The following LEKR1 variants were observed in gnomAD, a reference collection of about 807,000 sequenced individuals.
LEKR1 encodes the protein leucine, glutamate and lysine rich 1, also known as protein LEKR1.
Under a neutral mutation model 72.4 loss-of-function variants are expected in LEKR1, and 59 were observed. The observed-to-expected ratio is 0.82, with a 90% confidence interval of 0.66 to 1.01. The LOEUF is 1.01. Among genes scored for constraint, LEKR1 ranks in the 50% least tolerant of loss-of-function variants. The probability of loss-of-function intolerance (pLI) is 0.00; values close to 1 mark genes in which losing one functional copy is unlikely to be tolerated. For synonymous variants in LEKR1, 257 were observed against 263.2 expected, an observed-to-expected ratio of 0.98 and a Z score of 0.23; for missense variants, 728 against 759.2, an observed-to-expected ratio of 0.96 and a Z score of 0.48.
intron 12 of LEKR1, among the ~76,000 whole-genome samples, chr3:157,032,284 A>G (rs1734672793): frequency 6.6e-6 from 1 of 152,216 alleles, no homozygotes; most frequent in South Asian, 2.1e-4. Context: ...AACAGCTCAC[A>G]TACAATCACC....
chr3:157,016,430 G>A (rs9840284), intron 10 of LEKR1, among the ~76,000 whole-genome samples: 110,894 of 151,968 alleles, frequency 0.73, 40,964 homozygotes, highest in East Asian at 0.93. Flanking sequence ...GAAAGTACTA[G>A]AAGAAAGTTA....
intron 3 of LEKR1, among the ~76,000 whole-genome samples, chr3:156,908,865 C>T (rs1722808522): frequency 6.6e-6 from 1 of 152,170 alleles, no homozygotes; most frequent in South Asian, 2.1e-4. Flanking sequence ...TAAGGCCATG[C>T]ATTTACATCT....
intron 9 of LEKR1, among the ~76,000 whole-genome samples, chr3:157,001,995 A>G (rs1732053051): frequency 6.6e-6 from 1 of 152,164 alleles, no homozygotes; most frequent in Non-Finnish European, 1.5e-5. Context: ...TAAAACTGGG[A>G]AGCTCCAGTT....
chr3:156,841,483 C>A, intron 2 of LEKR1, among the ~76,000 whole-genome samples: 1 of 152,154 alleles, frequency 6.6e-6, no homozygotes. Context: ...GCCATCCAGG[C>A]AGTACAGAGA....
rs1023329009 is a variant in LEKR1, at chr3:156,838,933, G to A, written c.48+9556G>A. Among the ~76,000 whole-genome samples the A allele has an allele frequency of 4.6e-5, 7 of 152,084 alleles. No homozygotes were observed. In the East Asian group the frequency reaches 9.6e-4, roughly 21 times the overall value. On this transcript the variant is annotated intron_variant, in intron 2 of 12. Coordinates refer to ENST00000356539, the MANE Select transcript of LEKR1 (RefSeq NM_001004316.3). Reference sequence around the variant, plus strand: ...AGTAGAGAAAGAGTTTAATGGAAACGAGGATGGCCATGCCACAGAGGAGAT... The same window carrying A: ...AGTAGAGAAAGAGTTTAATGGAAACAAGGATGGCCATGCCACAGAGGAGAT...
rs143545791 is a variant in LEKR1, at chr3:157,039,389, A to G, written c.1669-5951A>G. 4.3e-3 allele frequency among the ~76,000 whole-genome samples: 649 copies of G among 152,272 alleles called. 2 individuals are homozygous for G. Among genetic ancestry groups the G allele is most frequent in the African/African-American group, 0.015 (624 of 41,564 alleles). On this transcript the variant is annotated intron_variant, in intron 12 of 12. Coordinates refer to ENST00000356539, the MANE Select transcript of LEKR1 (RefSeq NM_001004316.3). ...TAACCCAGCATTTTGGGAGCTCAAG[A>G]TGGGAGGATTGCTTGAGCTTGGAGT... is the stretch of plus-strand genomic sequence containing the variant.
In LEKR1 at chr3:156,924,586, G is replaced by T. The variant is rs541348160; in HGVS notation, c.384-2843G>T. 1.0e-4 allele frequency: 64 copies of T among 627,216 alleles called. 4 individuals are homozygous for T. The South Asian group carries it at 1.1e-3, about 11-fold the overall frequency. 38.9% of individuals were successfully genotyped at this position (627,216 alleles called of 1,614,324 possible). ...TTCTTCTAAGTGTTTTATAGTTTTA[G>T]CTCTTCTTTAGATCTATGATCTATT... On this transcript the variant is annotated intron_variant, in intron 4 of 12. Transcript: ENST00000356539.
chr3:156,939,932 A>C (rs756352041), intron 5 of LEKR1, among the ~76,000 whole-genome samples: 1 of 152,170 alleles, frequency 6.6e-6, no homozygotes, highest in African/African-American at 2.4e-5. Context: ...GAAATTAGGG[A>C]TAGAATTGAT....
chr3:156,911,838 C>T (rs1723137645), intron 3 of LEKR1, among the ~76,000 whole-genome samples: 1 of 151,872 alleles, frequency 6.6e-6, no homozygotes, highest in Admixed American at 6.6e-5. Flanking sequence ...TTTCTGGGTT[C>T]TCTATTCTGT....
chr3:156,911,822 G>A (rs1263552124), intron 3 of LEKR1, among the ~76,000 whole-genome samples: 2 of 151,908 alleles, frequency 1.3e-5, no homozygotes, highest in African/African-American at 4.8e-5. Context: ...TAGGTGTGAG[G>A]CTTTTTTTCT....
chr3:156,961,545 G>C (rs1728135263), intron 6 of LEKR1, among the ~76,000 whole-genome samples: 1 of 152,104 alleles, frequency 6.6e-6, no homozygotes, highest in South Asian at 2.1e-4. Context: ...TTTGTGTGTG[G>C]CGTCTTTCAC....
At chr3:156,959,451 C>T (rs1257742696) in intron 6 of LEKR1, among the ~76,000 whole-genome samples, 2 of 152,142 alleles carry the variant, frequency 1.3e-5, no homozygotes, top group East Asian at 1.9e-4. Flanking sequence ...GTAGAACTAA[C>T]TTTAAGTGCT....
chr3:156,914,042 G>C (rs1723358049), intron 3 of LEKR1, among the ~76,000 whole-genome samples: 1 of 151,996 alleles, frequency 6.6e-6, no homozygotes, highest in African/African-American at 2.4e-5. Context: ...TTACTTCACT[G>C]TGATGTGACT....
chr3:156,918,350 G>A (rs1723854270), intron 3 of LEKR1, among the ~76,000 whole-genome samples: 1 of 152,114 alleles, frequency 6.6e-6, no homozygotes, highest in African/African-American at 2.4e-5. Context: ...GTGCAGCTAA[G>A]TATGGCCATG....
At chr3:157,007,501 G>A (rs1732553468) in intron 9 of LEKR1, among the ~76,000 whole-genome samples, 1 of 152,244 alleles carries the variant, frequency 6.6e-6, no homozygotes, top group Admixed American at 6.5e-5. Context: ...AGTTGTGATG[G>A]AATCCACTGG....
At position 156,879,288 on chromosome 3, in the gene LEKR1, C is replaced by A. The variant is rs138927196; in HGVS notation, c.263+26306C>A. Among the ~76,000 whole-genome samples, 542 of 152,224 alleles carry A rather than the reference C, an allele frequency of 3.6e-3. 2 individuals carry two copies. Among genetic ancestry groups the A allele is most frequent in the Non-Finnish European group, 6.1e-3 (412 of 68,018 alleles). ...ATGGGGATGAGGAACTTGTCGAGAA[C>A]TGGAGTAAAGGTTATTCTTGCTATG... On this transcript the variant is annotated intron_variant, in intron 3 of 12. Transcript: ENST00000356539.
At chr3:156,935,408 G>A (rs1725600296) in intron 5 of LEKR1, among the ~76,000 whole-genome samples, 1 of 152,096 alleles carries the variant, frequency 6.6e-6, no homozygotes, top group Non-Finnish European at 1.5e-5. Context: ...AATTTCCAGG[G>A]CATGGATGTA....
intron 6 of LEKR1, among the ~76,000 whole-genome samples, chr3:156,968,625 G>A (rs994563305): frequency 6.6e-6 from 1 of 152,154 alleles, no homozygotes; most frequent in African/African-American, 2.4e-5. Context: ...CATAAAGCAA[G>A]TCCTTAGAGA....
At chr3:156,931,904 T>G (rs79489427) in intron 5 of LEKR1, among the ~76,000 whole-genome samples, 4,833 of 152,266 alleles carry the variant, frequency 0.032, 116 homozygotes, top group Non-Finnish European at 0.047. Context: ...ATAGGGGTTT[T>G]TATTACATAG....
Sources: allele counts gnomAD v4.1 joint callset (sites outside exome capture counted in the v4.1 genomes callset), GRCh38; gene constraint gnomAD v4.1.1; transcripts MANE v1.5; gene names NCBI Gene and HGNC (gene_info 2026-07-23, HGNC 2026-07-21).